ENTHD1: variants seen among roughly 807,000 people sequenced by gnomAD.
The protein encoded by ENTHD1 is ENTH domain-containing protein 1.
In ENTHD1, 23 loss-of-function variants were observed where a neutral mutation model predicts 39.1. That is an observed-to-expected ratio of 0.59 (90% CI 0.42 to 0.83). The LOEUF (loss-of-function observed/expected upper bound fraction) is 0.83, where lower values mean the gene tolerates loss of function less well. ENTHD1 is among the 40% of genes least tolerant of loss of function. The pLI, the probability that ENTHD1 is intolerant of heterozygous loss-of-function variation, is 0.00. For missense variants in ENTHD1, 624 were observed against 705.4 expected, an observed-to-expected ratio of 0.88 and a Z score of 1.31; for synonymous variants, 230 against 258.2, an observed-to-expected ratio of 0.89 and a Z score of 1.05.
rs549412108 is a variant in ENTHD1 at position 39,824,212 on chromosome 22, T to TA, written c.712-3100_712-3099insT. Among the ~76,000 whole-genome samples, 435 of 136,554 alleles carry TA rather than the reference T, an allele frequency of 3.2e-3. 5 individuals carry two copies. Among genetic ancestry groups the TA allele is most frequent in the Non-Finnish European group, 6.0e-3 (380 of 63,698 alleles). 89.6% of individuals were successfully genotyped at this position (136,554 alleles called of 152,430 possible). A position where few individuals can be genotyped will look rare whatever the true frequency, so the allele number is the denominator to read the frequency against. ...GCTTTTGTCCAGTTCTTTTTTTTTTTTTTTTTTTTTTTTTTGAGACAGAGT... is the reference window on the plus strand; with the variant it reads ...GCTTTTGTCCAGTTCTTTTTTTTTTTATTTTTTTTTTTTTTTGAGACAGAGT... On this transcript the variant is annotated intron_variant, in intron 4 of 6. Transcript: ENST00000325157.
At chr22:39,865,422 A>G (rs1164474695) in intron 2 of ENTHD1, among the ~76,000 whole-genome samples, 4 of 152,168 alleles carry the variant, frequency 2.6e-5, no homozygotes, top group Non-Finnish European at 5.9e-5. Flanking sequence ...TCAAAGTTGA[A>G]AGTGAGAAAA....
intron 5 of ENTHD1, among the ~76,000 whole-genome samples, chr22:39,814,295 CAAA>C (rs77915572): frequency 3.1e-5 from 3 of 97,734 alleles, no homozygotes; most frequent in Admixed American, 1.1e-4. Context: ...CCCATCTCTA[CAAA>C]AAAAAAAAAA....
At chr22:39,779,996 T>C (rs1487491698) in intron 5 of ENTHD1, among the ~76,000 whole-genome samples, 2 of 152,108 alleles carry the variant, frequency 1.3e-5, no homozygotes, top group Non-Finnish European at 2.9e-5. Context: ...AGAAAATCAC[T>C]TAACCGCAAA....
chr22:39,788,306 T>C (rs2065475714), intron 5 of ENTHD1, among the ~76,000 whole-genome samples: 1 of 152,184 alleles, frequency 6.6e-6, no homozygotes, highest in Admixed American at 6.6e-5. Flanking sequence ...AACAGGAGTT[T>C]GGAAGAAGTG....
intron 2 of ENTHD1, among the ~76,000 whole-genome samples, chr22:39,869,645 A>G (rs1408329797): frequency 2.0e-5 from 3 of 152,164 alleles, no homozygotes; most frequent in Admixed American, 6.5e-5. Context: ...TGTAAAAAAA[A>G]AAAAAAAACC....
intron 5 of ENTHD1, among the ~76,000 whole-genome samples, chr22:39,770,381 A>G (rs2065312027): frequency 6.6e-6 from 1 of 152,170 alleles, no homozygotes; most frequent in Admixed American, 6.5e-5. Flanking sequence ...TGGAGAAGAT[A>G]GAAAGAATGC....
chr22:39,759,004 A>G (rs1488743989), intron 6 of ENTHD1, among the ~76,000 whole-genome samples: 1 of 152,026 alleles, frequency 6.6e-6, no homozygotes, highest in Non-Finnish European at 1.5e-5. Flanking sequence ...GCTGGATTTG[A>G]TTTGCTAATA....
At chr22:39,866,636 T>C (rs897521596) in intron 2 of ENTHD1, among the ~76,000 whole-genome samples, 1 of 152,160 alleles carries the variant, frequency 6.6e-6, no homozygotes, top group Non-Finnish European at 1.5e-5. Flanking sequence ...CCACGGACAG[T>C]GAACACCCTC....
chr22:39,852,204 G>A (rs576644362), intron 3 of ENTHD1, among the ~76,000 whole-genome samples: 3 of 151,734 alleles, frequency 2.0e-5, no homozygotes, highest in South Asian at 2.1e-4. Context: ...AAATTTAGCC[G>A]GTGTGGTGGC....
At chr22:39,798,124 T>A (rs2065565726) in intron 5 of ENTHD1, among the ~76,000 whole-genome samples, 1 of 152,122 alleles carries the variant, frequency 6.6e-6, no homozygotes, top group African/African-American at 2.4e-5. Context: ...TTGTTCTTTT[T>A]AAAAATTCTT....
At chr22:39,863,436 T>C (rs2066160009) in intron 2 of ENTHD1, among the ~76,000 whole-genome samples, 1 of 152,208 alleles carries the variant, frequency 6.6e-6, no homozygotes. Flanking sequence ...TAACCATCTG[T>C]GTGACTTTCA....
intron 2 of ENTHD1, among the ~76,000 whole-genome samples, chr22:39,869,714 G>A (rs1389151791): frequency 6.7e-6 from 1 of 150,354 alleles, no homozygotes; most frequent in African/African-American, 2.4e-5. Context: ...GATCTTCTAT[G>A]GAATCTATAT....
Position 39,883,901 on chromosome 22 carries a change from A to G in ENTHD1, c.349+3499T>C, listed in dbSNP as rs1229887206. Among the ~76,000 whole-genome samples, 5 of 151,732 alleles carry G rather than the reference A, an allele frequency of 3.3e-5. No homozygotes were observed. The East Asian group carries it at 7.7e-4, about 23-fold the overall frequency. ...GACAATTCCATTTACTAGAGCTTCA[A>G]AAAGAATAAAATGCTTAGAAATAAC... On this transcript the variant is annotated intron_variant, in intron 2 of 6. Coordinates refer to ENST00000325157, the MANE Select transcript of ENTHD1 (RefSeq NM_152512.4).
intron 2 of ENTHD1, among the ~76,000 whole-genome samples, chr22:39,885,155 G>A (rs2066369717): frequency 6.6e-6 from 1 of 152,132 alleles, no homozygotes; most frequent in South Asian, 2.1e-4. Flanking sequence ...TACTCAAACA[G>A]TTGTTTTAAA....
intron 5 of ENTHD1, among the ~76,000 whole-genome samples, chr22:39,807,318 C>T (rs1390775156): frequency 1.3e-5 from 2 of 152,166 alleles, no homozygotes; most frequent in Non-Finnish European, 2.9e-5. Context: ...ATGGCTTATC[C>T]TACGTGCCAC....
At chr22:39,880,548 A>G (rs2066328933) in intron 2 of ENTHD1, among the ~76,000 whole-genome samples, 1 of 152,230 alleles carries the variant, frequency 6.6e-6, no homozygotes, top group African/African-American at 2.4e-5. Flanking sequence ...GGGGATGTTT[A>G]TAATGGGGGA....
intron 5 of ENTHD1, among the ~76,000 whole-genome samples, chr22:39,800,086 G>C (rs1362369216): frequency 6.6e-6 from 1 of 152,156 alleles, no homozygotes; most frequent in Non-Finnish European, 1.5e-5. Context: ...TAGTCTTGGG[G>C]ACCACAAGGT....
At chr22:39,885,362 G>C (rs143236185) in intron 2 of ENTHD1, among the ~76,000 whole-genome samples, 1 of 152,304 alleles carries the variant, frequency 6.6e-6, no homozygotes, top group Non-Finnish European at 1.5e-5. Context: ...ACAAGTGTTG[G>C]CAGGAATACA....
At chr22:39,865,869 TG>T (rs2066178187) in intron 2 of ENTHD1, among the ~76,000 whole-genome samples, 1 of 152,218 alleles carries the variant, frequency 6.6e-6, no homozygotes, top group South Asian at 2.1e-4. Context: ...AAGCCAAGAC[TG>T]GAAAACTACC....
Sources: gnomAD v4.1 joint callset for allele counts (sites outside exome capture counted in the v4.1 genomes callset) on GRCh38, gnomAD v4.1.1 for gene constraint, MANE v1.5 for transcripts, NCBI Gene and HGNC (gene_info 2026-07-23, HGNC 2026-07-21) for gene names.